The following NDFIP1 variants were observed in gnomAD, a reference collection of about 807,000 sequenced individuals.
NDFIP1 encodes NEDD4 family-interacting protein 1.
NDFIP1 carries 7 observed loss-of-function variants against 28.8 expected under a neutral mutation model. That is an observed-to-expected ratio of 0.24 (90% CI 0.14 to 0.46). The LOEUF (loss-of-function observed/expected upper bound fraction) is 0.46. Ranked by LOEUF, NDFIP1 falls within the 20% of genes least tolerant of loss-of-function variation. The pLI is 0.99. For synonymous variants in NDFIP1, 92 were observed against 101.0 expected, an observed-to-expected ratio of 0.91 and a Z score of 0.53; for missense variants, 194 against 269.1, an observed-to-expected ratio of 0.72 and a Z score of 1.95.
In NDFIP1 at chr5:142,150,946, A is replaced by G. The variant is rs928470337; in HGVS notation, c.*3-785A>G. Among the ~76,000 whole-genome samples, 160 of 152,120 alleles carry G rather than the reference A, an allele frequency of 1.1e-3. 2 individuals carry two copies. Among genetic ancestry groups the G allele is most frequent in the Non-Finnish European group, 3.8e-4 (26 of 68,008 alleles). On this transcript the variant is annotated intron_variant, in intron 7 of 7. Transcript: ENST00000253814. ...TTTTATTCTTAATAGTTCTTCTTTT[A>G]TTGTTAATATAGGGAATTACTTGTA...
At position 142,145,587 on chromosome 5, in the gene NDFIP1, A is replaced by G. The variant is rs570730556; in HGVS notation, c.*2+911A>G. ...GTGGTGTAGTTCAGATAAACTTTAC[A>G]TGATAGTGGAGAGTGTGGGGAAGAA... On this transcript the variant is annotated intron_variant, in intron 7 of 7. Transcript: ENST00000253814. Among the ~76,000 whole-genome samples the G allele has an allele frequency of 2.6e-5, 4 of 152,248 alleles. No homozygotes were observed. In the East Asian group the frequency reaches 5.8e-4, roughly 22 times the overall value.
chr5:142,136,777 G>A (rs1475774665), intron 4 of NDFIP1, among the ~76,000 whole-genome samples: 29 of 121,944 alleles, frequency 2.4e-4, no homozygotes, highest in African/African-American at 7.8e-4. Context: ...AAAAAAAAGA[G>A]GTCAAAGGCT....
At chr5:142,148,436 T>C (rs1757412555) in intron 7 of NDFIP1, among the ~76,000 whole-genome samples, 1 of 152,048 alleles carries the variant, frequency 6.6e-6, no homozygotes, top group African/African-American at 2.4e-5. Context: ...CTGCTAAAGG[T>C]GTGCACAGTG....
chr5:142,131,486 G>A (rs935364867), intron 1 of NDFIP1, among the ~76,000 whole-genome samples: 3 of 152,198 alleles, frequency 2.0e-5, no homozygotes, highest in Non-Finnish European at 2.9e-5. Context: ...TGTTGGCCAG[G>A]ATGGCAAAAT....
chr5:142,119,579 T>C (rs1019668842), intron 1 of NDFIP1, among the ~76,000 whole-genome samples: 1 of 152,230 alleles, frequency 6.6e-6, no homozygotes, highest in Non-Finnish European at 1.5e-5. Flanking sequence ...GCTATCAAGT[T>C]CTATAAATTT....
At chr5:142,146,217 T>G (rs192885950) in intron 7 of NDFIP1, among the ~76,000 whole-genome samples, 1 of 152,298 alleles carries the variant, frequency 6.6e-6, no homozygotes, top group East Asian at 1.9e-4. Context: ...AAACTAGTAT[T>G]CATTATTAAA....
intron 7 of NDFIP1, among the ~76,000 whole-genome samples, chr5:142,150,872 CT>C (rs1168146153): frequency 1.3e-5 from 2 of 152,186 alleles, no homozygotes; most frequent in Admixed American, 1.3e-4. Context: ...AAAATAGTTT[CT>C]CAATAAATGT....
intron 3 of NDFIP1, among the ~76,000 whole-genome samples, chr5:142,134,389 A>G (rs1450832006): frequency 5.9e-5 from 9 of 152,216 alleles, no homozygotes; most frequent in Admixed American, 5.9e-4. Flanking sequence ...GCAAAACCTT[A>G]TTCTGCTGAT....
intron 1 of NDFIP1, among the ~76,000 whole-genome samples, chr5:142,112,686 C>T (rs1315128621): frequency 6.9e-6 from 1 of 145,204 alleles, no homozygotes; most frequent in African/African-American, 2.6e-5. Flanking sequence ...CCCAGCTACT[C>T]GGGAGGCTGA....
chr5:142,153,115 C>T lies in NDFIP1; in HGVS notation c.*1387C>T. 1.2e-5 allele frequency: 4 copies of T among 344,360 alleles called. No individual in the cohort carries two copies. Among genetic ancestry groups the T allele is most frequent in the Non-Finnish European group, 2.3e-5 (4 of 174,568 alleles). 21.3% of individuals were successfully genotyped at this position (344,360 alleles called of 1,614,324 possible). On this transcript the variant is annotated 3_prime_UTR_variant, in exon 8 of 8. Coordinates refer to ENST00000253814, the MANE Select transcript of NDFIP1 (RefSeq NM_030571.4). ...TGTTTTCTGCATGTTCTCATTTGTT[C>T]TTTTTCTCAGTTGAATGCACCAACT...
intron 1 of NDFIP1, among the ~76,000 whole-genome samples, chr5:142,119,011 C>T (rs1053368919): frequency 1.3e-5 from 2 of 152,170 alleles, no homozygotes; most frequent in East Asian, 3.9e-4. Flanking sequence ...CTCCTTGCTA[C>T]TAGGGTGTCA....
intron 5 of NDFIP1, among the ~76,000 whole-genome samples, chr5:142,139,445 C>A (rs1269280458): frequency 6.6e-6 from 1 of 152,044 alleles, no homozygotes; most frequent in African/African-American, 2.4e-5. Context: ...TGGCACAGGT[C>A]CCCCCTCCCC....
At chr5:142,114,870 C>G (rs1258969347) in intron 1 of NDFIP1, among the ~76,000 whole-genome samples, 2 of 152,102 alleles carry the variant, frequency 1.3e-5, no homozygotes, top group African/African-American at 4.8e-5. Flanking sequence ...GTTTTCTTAC[C>G]TGATCCCATG....
chr5:142,123,057 G>A (rs13173848), intron 1 of NDFIP1, among the ~76,000 whole-genome samples: 1 of 152,028 alleles, frequency 6.6e-6, no homozygotes, highest in Middle Eastern at 3.4e-3. Flanking sequence ...CTACCTCCCA[G>A]GTTGCAGTGA....
chr5:142,146,871 T>A (rs776953829), intron 7 of NDFIP1, among the ~76,000 whole-genome samples: 4 of 152,198 alleles, frequency 2.6e-5, no homozygotes, highest in Non-Finnish European at 4.4e-5. Context: ...TTGTTTGGAT[T>A]TTCTAAAATT....
At chr5:142,129,068 C>G (rs2126916459) in intron 1 of NDFIP1, among the ~76,000 whole-genome samples, 1 of 152,308 alleles carries the variant, frequency 6.6e-6, no homozygotes, top group South Asian at 2.1e-4. Flanking sequence ...TACTTTGACA[C>G]CAAGCTCAGG....
At chr5:142,145,483 T>TCCCC (rs1259607308) in intron 7 of NDFIP1, among the ~76,000 whole-genome samples, 10 of 152,114 alleles carry the variant, frequency 6.6e-5, no homozygotes, top group Admixed American at 4.6e-4. Context: ...GGGACTGTGT[T>TCCCC]AATCATAGAG....
chr5:142,131,889 A>C lies in NDFIP1; in HGVS notation c.145A>C (p.Ser49Arg), dbSNP rs968484064. 2 of 1,595,656 alleles carry C rather than the reference A, an allele frequency of 1.3e-6. No homozygotes were observed. Residue 49 changes from serine (S) to arginine (R), a missense_variant, in exon 2 of 8, where the codon AGC (serine) becomes CGC (arginine). Physicochemically the swap from Ser to Arg is moderately radical, Grantham distance 110 (BLOSUM62 -1). Transcript: ENST00000253814. ...ACCTTACAGCAGCATTTCTGCAGAG[A>C]GCGCAGGTAGGTAACAGGGCAAGGT... ...PPPYSSISAE[S>R]AAYFDYKDES...
At chr5:142,144,704 C>G in intron 7 of NDFIP1, 28 bp downstream of exon 7, 1 of 1,351,996 alleles carries the variant, frequency 7.4e-7, no homozygotes, top group Non-Finnish European at 1.1e-6. Context: ...TATTCTAGTC[C>G]CAGTGTAACC....
Sources: gnomAD v4.1 joint callset for allele counts (sites outside exome capture counted in the v4.1 genomes callset) on GRCh38, gnomAD v4.1.1 for gene constraint, MANE v1.5 for transcripts, NCBI Gene and HGNC (gene_info 2026-07-23, HGNC 2026-07-21) for gene names.